Variants in ZNF726 observed in about 807,000 individuals in gnomAD.
The protein encoded by ZNF726 is zinc finger protein 92 pseudogene 3.
A neutral mutation model predicts 11.6 loss-of-function variants in ZNF726; 15 were observed. That is an observed-to-expected ratio of 1.29 (90% CI 0.86 to 1.99). ZNF726 has a LOEUF of 1.99. ZNF726 is among the 30% of genes most tolerant of loss of function. The pLI is 0.00. For missense variants in ZNF726, 890 were observed against 725.6 expected, an observed-to-expected ratio of 1.23 and a Z score of -2.60; for synonymous variants, 295 against 243.6, an observed-to-expected ratio of 1.21 and a Z score of -1.96.
At chr19:23,940,579 G>A (rs1158150981) in intron 3 of ZNF726, among the ~76,000 whole-genome samples, 1 of 152,088 alleles carries the variant, frequency 6.6e-6, no homozygotes, top group Non-Finnish European at 1.5e-5. Flanking sequence ...ATTGCTTTAG[G>A]CAGTATGGTC....
Position 23,932,973 on chromosome 19 carries a change from A to G in ZNF726, c.857A>G (p.Lys286Arg). The change falls in exon 4 of 4, where the codon AAA (lysine) becomes AGA (arginine). Residue 286 changes from lysine (K) to arginine (R), a missense_variant. Lys to Arg is a conservative substitution (Grantham distance 26). Coordinates refer to ENST00000594466, the MANE Select transcript of ZNF726 (RefSeq NM_001244038.2). ...KRIHTGEKPC[K>R]CEECGKAFSQ... ...ATACATACTGGAGAGAAACCCTGCA[A>G]ATGTGAAGAATGTGGCAAAGCATTT... The G allele has an allele frequency of 6.2e-7, 1 of 1,612,408 alleles. No homozygotes were observed. The highest frequency in any genetic ancestry group is 2.2e-5 in the East Asian group (1 of 44,848).
chr19:23,928,476 G>C (rs1056877145), intron 3 of ZNF726: 1 of 152,052 alleles, frequency 6.6e-6, no homozygotes, highest in South Asian at 2.1e-4. Flanking sequence ...TTGGAGCCCT[G>C]ATATTGTACA....
intron 3 of ZNF726, chr19:23,921,125 A>T (rs1328562382): frequency 6.6e-6 from 1 of 152,240 alleles, no homozygotes; most frequent in African/African-American, 2.4e-5. Flanking sequence ...GTGAAACCCC[A>T]TCTATACTAA....
intron 3 of ZNF726, among the ~76,000 whole-genome samples, chr19:23,942,691 A>C (rs1003419109): frequency 3.7e-4 from 56 of 152,208 alleles, no homozygotes; most frequent in Non-Finnish European, 1.5e-4. Context: ...CTGTTGGATC[A>C]GGCCACTTAC....
rs769375086 is a variant in ZNF726, at chr19:23,932,708, G to A, written c.592G>A (p.Glu198Lys). Residue 198 changes from glutamate (E) to lysine (K), a missense_variant, in exon 4 of 4, where the codon GAG (glutamate) becomes AAG (lysine). Glu to Lys is a moderately conservative substitution (Grantham distance 56). Transcript: ENST00000594466. ...KTQHKSIYTT[E>K]KSYKCKECGK... ...CCAGCATAAAAGCATATATACTACA[G>A]AGAAGTCCTACAAATGTAAAGAATG... 1.2e-6 allele frequency: 2 copies of A among 1,607,138 alleles called. No individual in the cohort carries two copies. Among genetic ancestry groups the A allele is most frequent in the South Asian group, 1.1e-5 (1 of 89,450 alleles).
In ZNF726 at chr19:23,919,735, C is replaced by T; in HGVS notation, c.130+236C>T. The T allele has an allele frequency of 4.0e-6, 2 of 505,928 alleles. 1 individual carries two copies. Among genetic ancestry groups the T allele is most frequent in the South Asian group, 6.0e-5 (2 of 33,214 alleles). The allele number at this position is 505,928 out of a possible 1,614,324, so 31.3% of individuals were successfully genotyped here. On this transcript the variant is annotated intron_variant, in intron 2 of 3. Transcript: ENST00000594466. ...AGTGGTAATTTCAGAACCTTAGTGG[C>T]ATAAAATATTGTTATTCACACCTTA...
At position 23,933,721 on chromosome 19, in the gene ZNF726, A is replaced by G. The variant is rs1968172658; in HGVS notation, c.1605A>G (p.Lys535=). 6.2e-6 allele frequency: 10 copies of G among 1,612,372 alleles called. No individual in the cohort carries two copies. The highest frequency in any genetic ancestry group is 3.3e-5 in the Admixed American group (2 of 59,964). Residue 535 remains lysine (K), a synonymous_variant, in exon 4 of 4, where the codon AAA becomes AAG. Coordinates refer to ENST00000594466, the MANE Select transcript of ZNF726 (RefSeq NM_001244038.2). ...SKHKRIHTGE[K]PYKCEECGKT... ...ATAAGAGGATTCACACTGGAGAGAA[A>G]CCCTACAAATGTGAAGAATGTGGCA...
downstream of ZNF726, among the ~76,000 whole-genome samples, chr19:23,936,409 A>G (rs913796730): frequency 3.3e-5 from 5 of 152,196 alleles, no homozygotes; most frequent in South Asian, 2.1e-4. Flanking sequence ...GAAAATACAG[A>G]ATTTTAAAAA....
downstream of ZNF726, among the ~76,000 whole-genome samples, chr19:23,937,092 C>G (rs1029631724): frequency 6.2e-5 from 9 of 145,776 alleles, no homozygotes; most frequent in Admixed American, 5.4e-4. Context: ...GGGGGCTGAC[C>G]CCCCCCACCT....
At chr19:23,944,655 G>A (rs1968390224) in intron 4 of ZNF726, 1 of 193,682 alleles carries the variant, frequency 5.2e-6, no homozygotes, top group Admixed American at 6.2e-5. Context: ...CTGTGCCAAA[G>A]CTTTTTAGTC....
chr19:23,937,277 G>T (rs998831082), downstream of ZNF726, among the ~76,000 whole-genome samples: 5 of 150,916 alleles, frequency 3.3e-5, no homozygotes, highest in Non-Finnish European at 5.9e-5. Flanking sequence ...CTGGCCGGGC[G>T]GGGGGCTGAC....
Position 23,933,865 on chromosome 19 carries a change from T to TA in ZNF726, c.1751dup (p.Ile585AspfsTer12). ...ATCGATCCTCAAATCTTAGTACGCA[T>TA]AAGATAATTCATACTGGAGAGAAAC... On this transcript the variant is annotated frameshift_variant, in exon 4 of 4. Coordinates refer to ENST00000594466, the MANE Select transcript of ZNF726 (RefSeq NM_001244038.2). LOFTEE classifies it low-confidence loss of function (END_TRUNC). 1 of 1,592,242 alleles carries TA rather than the reference T, an allele frequency of 6.3e-7. No individual in the cohort carries two copies. Among genetic ancestry groups the TA allele is most frequent in the Non-Finnish European group, 8.6e-7 (1 of 1,169,458 alleles).
In ZNF726 at chr19:23,926,415, C is replaced by T. The variant is rs78153548; in HGVS notation, c.227-5928C>T. Among the ~76,000 whole-genome samples the T allele has an allele frequency of 6.9e-3, 1,048 of 151,728 alleles. 13 individuals are homozygous for T. The highest frequency in any genetic ancestry group is 0.024 in the African/African-American group (978 of 41,352). On this transcript the variant is annotated intron_variant, in intron 3 of 3. Coordinates refer to ENST00000594466, the MANE Select transcript of ZNF726 (RefSeq NM_001244038.2). ...TAAAAATACAAAAAAATTAGCTGAG[C>T]GTGATGGCGTGCATGTTAATCCCAG...
At chr19:23,936,429 TG>T (rs1372937214), downstream of ZNF726, among the ~76,000 whole-genome samples, 2 of 152,218 alleles carry the variant, frequency 1.3e-5, no homozygotes, top group African/African-American at 4.8e-5. Flanking sequence ...AAGCAAATAA[TG>T]GAGTTAAACT....
chr19:23,918,145 G>A (rs1236211096), intron 1 of ZNF726, among the ~76,000 whole-genome samples: 2 of 152,174 alleles, frequency 1.3e-5, no homozygotes, highest in East Asian at 3.8e-4. Flanking sequence ...TGGGTAGCAG[G>A]TGTGGGATGT....
chr19:23,933,554 C>T lies in ZNF726; in HGVS notation c.1438C>T (p.Pro480Ser). The change falls in exon 4 of 4, where the codon CCC (proline) becomes TCC (serine). Residue 480 changes from proline (P) to serine (S), a missense_variant. Coordinates refer to ENST00000594466, the MANE Select transcript of ZNF726 (RefSeq NM_001244038.2). Reference protein sequence around the residue: ...THKRMHTGEKPYKCEECGKAF... With the variant: ...THKRMHTGEKSYKCEECGKAF... The stretch of plus-strand genomic sequence containing the variant: ...TAAGAGGATGCACACTGGAGAGAAA[C>T]CCTACAAATGTGAAGAATGTGGCAA... The T allele has an allele frequency of 2.5e-6, 4 of 1,612,910 alleles. No individual in the cohort carries two copies. The highest frequency in any genetic ancestry group is 1.1e-5 in the South Asian group (1 of 91,082).
chr19:23,934,838 C>T (rs768617467), downstream of ZNF726, among the ~76,000 whole-genome samples: 1 of 152,238 alleles, frequency 6.6e-6, no homozygotes, highest in Non-Finnish European at 1.5e-5. Flanking sequence ...TGGCACAGTG[C>T]CTGGGCACAC....
rs553413658 is a variant in ZNF726 at position 23,940,506 on chromosome 19, GT to G, written c.227-2980del. Among the ~76,000 whole-genome samples the G allele has an allele frequency of 3.7e-3, 555 of 151,820 alleles. 2 individuals are homozygous for G. The highest frequency in any genetic ancestry group is 6.2e-3 in the Non-Finnish European group (422 of 67,868). Reference sequence around the variant, plus strand: ...TGGGCTCTATATGAATGTTAGAATCGTTTTTTTTAACTGTGTGAAGAATGAT... The same window carrying G: ...TGGGCTCTATATGAATGTTAGAATCGTTTTTTTAACTGTGTGAAGAATGAT... On this transcript the variant is annotated intron_variant, in intron 3 of 4. Coordinates refer to the ZNF726 transcript ENST00000334589.
chr19:23,933,568 A>G lies in ZNF726; in HGVS notation c.1452A>G (p.Glu484=). Residue 484 remains glutamate, a synonymous_variant, in exon 4 of 4, where the codon GAA becomes GAG. Transcript: ENST00000594466. ...MHTGEKPYKC[E]ECGKAFSQSS... Reference sequence around the variant, plus strand: ...CTGGAGAGAAACCCTACAAATGTGAAGAATGTGGCAAAGCTTTTAGCCAGT... The same window carrying G: ...CTGGAGAGAAACCCTACAAATGTGAGGAATGTGGCAAAGCTTTTAGCCAGT... 3 of 1,612,242 alleles carry G rather than the reference A, an allele frequency of 1.9e-6. No individual in the cohort carries two copies. The highest frequency in any genetic ancestry group is 2.5e-6 in the Non-Finnish European group (3 of 1,179,350).
Sources: allele counts gnomAD v4.1 joint callset (sites outside exome capture counted in the v4.1 genomes callset), GRCh38; gene constraint gnomAD v4.1.1; transcripts MANE v1.5; gene names NCBI Gene and HGNC (gene_info 2026-07-23, HGNC 2026-07-21).